The following GLDC variants were observed in gnomAD, a reference collection of about 807,000 sequenced individuals.
GLDC encodes the protein glycine decarboxylase.
GLDC carries 104 observed loss-of-function variants against 121.3 expected under a neutral mutation model. That is an observed-to-expected ratio of 0.86 (90% confidence interval 0.73 to 1.01). GLDC has a LOEUF of 1.01. Ranked by LOEUF, GLDC falls within the 50% of genes least tolerant of loss-of-function variation. GLDC has a pLI of 0.00. For synonymous variants in GLDC, 546 were observed against 480.6 expected (o/e 1.14, Z -1.78); for missense variants, 1,429 against 1,306.6 (o/e 1.09, Z -1.44).
intron 15 of GLDC, chr9:6,566,474 C>T (rs1364010029): frequency 6.6e-6 from 1 of 152,178 alleles, no homozygotes; most frequent in Non-Finnish European, 1.5e-5. Context: ...GAATGAGGCA[C>T]TTTTAATGTG....
At chr9:6,616,271 T>C (rs917104452) in intron 3 of GLDC, among the ~76,000 whole-genome samples, 4 of 152,258 alleles carry the variant, frequency 2.6e-5, no homozygotes, top group Non-Finnish European at 5.9e-5. Context: ...TTTATTCAAA[T>C]TAGTTACATC....
chr9:6,639,063 A>G (rs1379164143), intron 2 of GLDC: 3 of 654,348 alleles, frequency 4.6e-6, no homozygotes, highest in Non-Finnish European at 8.2e-6. Flanking sequence ...GTCAGTAAAC[A>G]TTTAACAATT....
intron 15 of GLDC, among the ~76,000 whole-genome samples, chr9:6,567,008 C>T (rs960388508): frequency 1.3e-5 from 2 of 152,242 alleles, no homozygotes; most frequent in Admixed American, 6.5e-5. Context: ...CCTTTGCAAG[C>T]AGTGCTGCTC....
At position 6,535,836 on chromosome 9, in the gene GLDC, A is replaced by C. The variant is rs1461325111; in HGVS notation, c.2838+228T>G. 3 of 560,068 alleles carry C rather than the reference A, an allele frequency of 5.4e-6. No homozygotes were observed. The South Asian group carries it at 6.2e-5, about 11-fold the overall frequency. The allele number at this position is 560,068 out of a possible 1,614,324, so 34.7% of individuals were successfully genotyped here. A position where few individuals can be genotyped will look rare whatever the true frequency, so the allele number is the denominator to read the frequency against. ...GATGCAGAATGTTACAAATTCTCCA[A>C]CTAGACAGCTGTGGACAGCTTCCAC... On this transcript the variant is annotated intron_variant, in intron 23 of 24. Coordinates refer to ENST00000321612, the MANE Select transcript of GLDC (RefSeq NM_000170.3).
In GLDC at chr9:6,556,142, T is replaced by TC; in HGVS notation, c.2202+10dup. ...CAGTGGGAACTAAGGGCGGGCCTCT[T>TC]CAGTTCCCACCTGAGCATTCATATT... On this transcript the variant is annotated intron_variant, in intron 18 of 24. Transcript: ENST00000321612. The TC allele has an allele frequency of 6.2e-7, 1 of 1,609,484 alleles. No individual in the cohort carries two copies.
chr9:6,608,172 G>C (rs1179769102), intron 4 of GLDC, among the ~76,000 whole-genome samples: 2 of 151,994 alleles, frequency 1.3e-5, no homozygotes, highest in Non-Finnish European at 2.9e-5. Flanking sequence ...CCAGCACTTT[G>C]GGAGGCCGAG....
In GLDC at chr9:6,588,687, T is replaced by A; in HGVS notation, c.1596A>T (p.Thr532=). 1.2e-6 allele frequency: 2 copies of A among 1,612,750 alleles called. No homozygotes were observed. Among genetic ancestry groups the A allele is most frequent in the Non-Finnish European group, 1.7e-6 (2 of 1,178,754 alleles). The stretch of plus-strand genomic sequence containing the variant: ...GTTTCTTCATGTACCGGACAATGTT[T>A]GTTTCAGAGTGGTAGCTGTGAACAC... ...HQVFNSYHSE[T]NIVRYMKKLE... Residue 532 remains threonine, a synonymous_variant, in exon 13 of 25, where the codon ACA becomes ACT. Transcript: ENST00000321612.
At chr9:6,638,369 C>T (rs544589242) in intron 2 of GLDC, among the ~76,000 whole-genome samples, 2 of 152,064 alleles carry the variant, frequency 1.3e-5, no homozygotes, top group African/African-American at 4.8e-5. Context: ...CATGCGCCAC[C>T]ACGCCCAGGT....
In GLDC at chr9:6,577,578, T is replaced by A. The variant is rs375489666; in HGVS notation, c.1850+9563A>T. The stretch of plus-strand genomic sequence containing the variant: ...GACTAAATAACATATGATCAAGGCT[T>A]TAAAAATTTTAAATAATCTAAAAAC... On this transcript the variant is annotated intron_variant, in intron 15 of 24. Coordinates refer to ENST00000321612, the MANE Select transcript of GLDC (RefSeq NM_000170.3). 2.0e-5 allele frequency among the ~76,000 whole-genome samples: 3 copies of A among 152,228 alleles called. No individual in the cohort carries two copies. In the South Asian group the frequency reaches 6.2e-4, roughly 32 times the overall value.
chr9:6,540,208 T>A, intron 21 of GLDC, 62 bp from the exon 22 acceptor site: 3 of 1,026,488 alleles, frequency 2.9e-6, no homozygotes, highest in Non-Finnish European at 4.7e-6. Flanking sequence ...CCCAAACAAA[T>A]GAATAAGTAA....
At chr9:6,560,580 G>A (rs1184887508) in intron 16 of GLDC, among the ~76,000 whole-genome samples, 4 of 152,312 alleles carry the variant, frequency 2.6e-5, no homozygotes, top group East Asian at 3.9e-4. Context: ...CAAAAGGATC[G>A]TTGGATGAAA....
chr9:6,564,234 C>T (rs1424369665), intron 16 of GLDC, among the ~76,000 whole-genome samples: 1 of 146,192 alleles, frequency 6.8e-6, no homozygotes, highest in African/African-American at 2.6e-5. Context: ...GGGAACAGGG[C>T]GAGACTCCAT....
At chr9:6,581,937 T>C (rs575907398) in intron 15 of GLDC, among the ~76,000 whole-genome samples, 4 of 152,170 alleles carry the variant, frequency 2.6e-5, no homozygotes, top group African/African-American at 7.2e-5. Context: ...ACATATAGGC[T>C]GGGCGTGGTG....
At chr9:6,595,526 G>C (rs1818474212) in intron 8 of GLDC, among the ~76,000 whole-genome samples, 1 of 152,132 alleles carries the variant, frequency 6.6e-6, no homozygotes, top group Non-Finnish European at 1.5e-5. Context: ...AATTCTTCAA[G>C]AATAAAAAGA....
intron 2 of GLDC, among the ~76,000 whole-genome samples, chr9:6,621,038 T>C (rs767458032): frequency 6.6e-6 from 1 of 151,926 alleles, no homozygotes; most frequent in Non-Finnish European, 1.5e-5. Context: ...GGCATGGTGG[T>C]TCACACCTGT....
In GLDC at chr9:6,605,478, T is replaced by A; in HGVS notation, c.714-200A>T. 4.7e-6 allele frequency: 3 copies of A among 633,666 alleles called. No individual in the cohort carries two copies. The Admixed American group carries it at 6.5e-5, about 14-fold the overall frequency. 39.3% of individuals were successfully genotyped at this position (633,666 alleles called of 1,614,324 possible). On this transcript the variant is annotated intron_variant, in intron 5 of 24. Transcript: ENST00000321612. The stretch of plus-strand genomic sequence containing the variant: ...CAAGCGCATCCAACAGCTCTGCTTC[T>A]GTTCCTCTCTTCTATCCTCTGACTC...
chr9:6,568,294 A>C (rs563205208), intron 15 of GLDC, among the ~76,000 whole-genome samples: 6 of 152,362 alleles, frequency 3.9e-5, no homozygotes, highest in Non-Finnish European at 8.8e-5. Context: ...AAGGATTACT[A>C]CTGGGGCATT....
At position 6,630,796 on chromosome 9, in the gene GLDC, G is replaced by C. The variant is rs60557335; in HGVS notation, c.335-10477C>G. On this transcript the variant is annotated intron_variant, in intron 2 of 24. Coordinates refer to ENST00000321612, the MANE Select transcript of GLDC (RefSeq NM_000170.3). ...GAAGGGAAGTCAGAATTTGGAAGCA[G>C]ATTCCATCTGCATGCTGATCCTTTC... Among the ~76,000 whole-genome samples, 212 of 152,258 alleles carry C rather than the reference G, an allele frequency of 1.4e-3. 1 individual carries two copies. The highest frequency in any genetic ancestry group is 4.8e-3 in the African/African-American group (199 of 41,540).
chr9:6,644,730 A>G, intron 1 of GLDC, 38 bp from the exon 2 acceptor site: 1 of 1,353,638 alleles, frequency 7.4e-7, no homozygotes, highest in Non-Finnish European at 1.1e-6. Context: ...AGTGCCTCTG[A>G]GTTAAAAGAG....
Sources: allele counts gnomAD v4.1 joint callset (sites outside exome capture counted in the v4.1 genomes callset), GRCh38; gene constraint gnomAD v4.1.1; transcripts MANE v1.5; gene names NCBI Gene and HGNC (gene_info 2026-07-23, HGNC 2026-07-21).